The following SORCS1 variants were observed in gnomAD, a reference collection of about 807,000 sequenced individuals.
The protein encoded by SORCS1 is VPS10 domain-containing receptor SorCS1.
A neutral mutation model predicts 146.1 loss-of-function variants in SORCS1; 60 were observed. That is an observed-to-expected ratio of 0.41 (90% CI 0.33 to 0.51). The LOEUF is 0.51. Among genes scored for constraint, SORCS1 ranks in the 20% least tolerant of loss-of-function variants. The pLI is 0.21. For missense variants in SORCS1, 1,352 were observed against 1,487.6 expected, an observed-to-expected ratio of 0.91 and a Z score of 1.50; for synonymous variants, 637 against 584.0, an observed-to-expected ratio of 1.09 and a Z score of -1.31.
chr10:106,949,591 G>T (rs1954567251), intron 2 of SORCS1, among the ~76,000 whole-genome samples: 1 of 152,180 alleles, frequency 6.6e-6, no homozygotes, highest in South Asian at 2.1e-4. Flanking sequence ...ACGAAATTGT[G>T]TCTCCTGAGA....
chr10:107,028,519 G>T (rs1004530915), intron 1 of SORCS1, among the ~76,000 whole-genome samples: 1 of 152,192 alleles, frequency 6.6e-6, no homozygotes, highest in Non-Finnish European at 1.5e-5. Context: ...TGAGTGTAAA[G>T]TTTCTAACAT....
chr10:106,643,564 A>G (rs1849212223), intron 18 of SORCS1, among the ~76,000 whole-genome samples: 1 of 152,244 alleles, frequency 6.6e-6, no homozygotes, highest in Non-Finnish European at 1.5e-5. Context: ...GCACCAGGAG[A>G]ACAGAGTGTC....
chr10:106,600,566 T>C (rs2133339016), intron 23 of SORCS1: 2 of 985,374 alleles, frequency 2.0e-6, no homozygotes, highest in East Asian at 2.3e-4. Context: ...TTATCCTGTA[T>C]TTTTTCAAAA....
chr10:106,906,383 G>A (rs1951910625), intron 2 of SORCS1, among the ~76,000 whole-genome samples: 3 of 152,140 alleles, frequency 2.0e-5, no homozygotes, highest in African/African-American at 7.2e-5. Flanking sequence ...CAAAGTGCTG[G>A]GATTACAGGT....
intron 25 of SORCS1, chr10:106,578,954 A>C: frequency 1.4e-6 from 2 of 1,433,220 alleles, no homozygotes; most frequent in African/African-American, 2.9e-5. Context: ...GGAAGCAGGG[A>C]AAAAGCCATC....
intron 23 of SORCS1, among the ~76,000 whole-genome samples, chr10:106,599,182 A>G (rs1024169863): frequency 4.6e-5 from 7 of 152,068 alleles, no homozygotes; most frequent in African/African-American, 1.7e-4. Flanking sequence ...CATGGCCAAC[A>G]TGGTGAAATC....
At chr10:106,710,437 A>AAG (rs1854893608) in intron 6 of SORCS1, among the ~76,000 whole-genome samples, 1 of 151,320 alleles carries the variant, frequency 6.6e-6, no homozygotes, top group Non-Finnish European at 1.5e-5. Context: ...GACAGGAAAA[A>AAG]AAAAAAAAAA....
At chr10:106,648,017 G>A (rs1225187854) in intron 18 of SORCS1, among the ~76,000 whole-genome samples, 1 of 150,952 alleles carries the variant, frequency 6.6e-6, no homozygotes, top group East Asian at 2.0e-4. Flanking sequence ...ACAGACACAC[G>A]ACACCACGCC....
At chr10:106,616,267 G>T (rs541494210) in intron 21 of SORCS1, among the ~76,000 whole-genome samples, 8 of 152,198 alleles carry the variant, frequency 5.3e-5, no homozygotes, top group Non-Finnish European at 1.0e-4. Context: ...GGGCTAATAG[G>T]TCAGTGCCCA....
At chr10:106,906,365 C>T (rs569561368) in intron 2 of SORCS1, among the ~76,000 whole-genome samples, 6 of 152,294 alleles carry the variant, frequency 3.9e-5, no homozygotes, top group Admixed American at 2.6e-4. Flanking sequence ...CTGCCGGCCT[C>T]GGCCTCCCAA....
At chr10:106,971,319 C>T (rs1955776985) in intron 1 of SORCS1, among the ~76,000 whole-genome samples, 1 of 152,178 alleles carries the variant, frequency 6.6e-6, no homozygotes, top group African/African-American at 2.4e-5. Flanking sequence ...ATGTAATATC[C>T]TCTTGCTGAC....
chr10:107,148,769 A>G lies in SORCS1; in HGVS notation c.558+15200T>C, dbSNP rs144611528. 2.1e-3 allele frequency among the ~76,000 whole-genome samples: 326 copies of G among 152,258 alleles called. 1 individual carries two copies. Among genetic ancestry groups the G allele is most frequent in the African/African-American group, 7.4e-3 (309 of 41,560 alleles). On this transcript the variant is annotated intron_variant, in intron 1 of 25. Coordinates refer to ENST00000263054, the MANE Select transcript of SORCS1 (RefSeq NM_052918.5). ...CTAAGATTTTAATCTAACCAAATGA[A>G]CATCAAGGAGACTTTCATAGAGGGC...
intron 1 of SORCS1, among the ~76,000 whole-genome samples, chr10:106,984,224 C>T (rs1350903295): frequency 2.0e-5 from 3 of 152,088 alleles, no homozygotes; most frequent in Non-Finnish European, 4.4e-5. Flanking sequence ...GATAGCATGG[C>T]ATCTTATGGG....
chr10:106,832,998 T>C lies in SORCS1; in HGVS notation c.627-3325A>G, dbSNP rs372568986. 3.0e-4 allele frequency among the ~76,000 whole-genome samples: 45 copies of C among 152,160 alleles called. No homozygotes were observed. The East Asian group carries it at 6.6e-3, about 22-fold the overall frequency. On this transcript the variant is annotated intron_variant, in intron 2 of 25. Transcript: ENST00000263054. The stretch of plus-strand genomic sequence containing the variant: ...CTACATACAATCATCCTTATTTGCA[T>C]GTGTGTGTGTGTTTGTGTGGGTGGG...
chr10:106,728,386 A>C (rs1195916844), intron 6 of SORCS1, among the ~76,000 whole-genome samples: 1 of 152,200 alleles, frequency 6.6e-6, no homozygotes, highest in African/African-American at 2.4e-5. Flanking sequence ...TGGAGACGTC[A>C]CCACCAGAGC....
chr10:106,926,689 A>G (rs1309681439), intron 2 of SORCS1, among the ~76,000 whole-genome samples: 1 of 152,206 alleles, frequency 6.6e-6, no homozygotes, highest in Non-Finnish European at 1.5e-5. Flanking sequence ...ACACAAATAT[A>G]GCAGGTTTTT....
chr10:106,785,170 G>A (rs115440900), intron 3 of SORCS1, among the ~76,000 whole-genome samples: 1,582 of 152,282 alleles, frequency 0.01, 25 homozygotes, highest in African/African-American at 0.035. Context: ...TTATCTGTCT[G>A]AAGACTGATC....
intron 18 of SORCS1, among the ~76,000 whole-genome samples, chr10:106,641,871 CAT>C (rs1228185458): frequency 7.9e-5 from 12 of 152,048 alleles, no homozygotes; most frequent in Admixed American, 2.6e-4. Flanking sequence ...CTTTCTACTT[CAT>C]GTCATTAGAT....
At chr10:107,138,133 G>A (rs1394397238) in intron 1 of SORCS1, among the ~76,000 whole-genome samples, 1 of 152,002 alleles carries the variant, frequency 6.6e-6, no homozygotes, top group Non-Finnish European at 1.5e-5. Context: ...CACATAATAG[G>A]TGGTCAATTA....
Sources: allele counts gnomAD v4.1 joint callset (sites outside exome capture counted in the v4.1 genomes callset), GRCh38; gene constraint gnomAD v4.1.1; transcripts MANE v1.5; gene names NCBI Gene and HGNC (gene_info 2026-07-23, HGNC 2026-07-21).